ANAPC16: variants seen among roughly 807,000 people sequenced by gnomAD.
ANAPC16 encodes anaphase promoting complex subunit 16.
A neutral mutation model predicts 13.1 loss-of-function variants in ANAPC16; 6 were observed. The ratio of observed to expected loss-of-function variants is 0.46; its 90% CI spans 0.25 to 0.90. The LOEUF is 0.90. ANAPC16 is among the 40% of genes least tolerant of loss of function. The pLI is 0.18. For synonymous variants in ANAPC16, 55 were observed against 51.3 expected (o/e 1.07, Z -0.31); for missense variants, 113 against 131.1 (o/e 0.86, Z 0.67).
chr10:72,216,154 G>C lies in ANAPC16; in HGVS notation c.-28+16G>C, dbSNP rs918159388. 6.5e-6 allele frequency: 1 copy of C among 152,994 alleles called. No individual in the cohort carries two copies. Among genetic ancestry groups the C allele is most frequent in the Admixed American group, 6.5e-5 (1 of 15,326 alleles). The allele number at this position is 152,994 out of a possible 1,614,324, so 9.5% of individuals were successfully genotyped here. On this transcript the variant is annotated intron_variant, in intron 1 of 3. Transcript: ENST00000299381. The stretch of plus-strand genomic sequence containing the variant: ...AGCCGCTGAGGTAAGAGGCCGAGGG[G>C]TCGAGGGCCCTCGGGAGCTTGGTGA...
intron 1 of ANAPC16, chr10:72,216,810 C>T (rs911705527): frequency 2.6e-5 from 12 of 456,058 alleles, no homozygotes; most frequent in Non-Finnish European, 4.8e-5. Context: ...CCACTGTCAG[C>T]CCCAACTTAC....
At chr10:72,229,231 T>C (rs2133688487) in intron 2 of ANAPC16, among the ~76,000 whole-genome samples, 1 of 150,466 alleles carries the variant, frequency 6.6e-6, no homozygotes, top group African/African-American at 2.4e-5. Flanking sequence ...TTTTTCTCTT[T>C]TTTTTTTTTT....
intron 1 of ANAPC16, among the ~76,000 whole-genome samples, chr10:72,221,644 CCAGGTT>C (rs373922961): frequency 0.013 from 1,906 of 149,998 alleles, 15 homozygotes; most frequent in Non-Finnish European, 0.021. Context: ...CCTCCGCCTC[CCAGGTT>C]CAGGTTCAAG....
intron 1 of ANAPC16, among the ~76,000 whole-genome samples, chr10:72,217,331 C>T (rs1427739821): frequency 6.6e-6 from 1 of 151,842 alleles, no homozygotes; most frequent in Non-Finnish European, 1.5e-5. Flanking sequence ...AAAAATTAGC[C>T]GGGTGTGGTG....
chr10:72,230,603 T>C (rs1860267525), intron 3 of ANAPC16, among the ~76,000 whole-genome samples, 163 bp downstream of exon 3: 1 of 152,162 alleles, frequency 6.6e-6, no homozygotes, highest in Non-Finnish European at 1.5e-5. Context: ...ACATTGAGGC[T>C]TAAGGTTGGG....
At chr10:72,221,660 G>A (rs942862490) in intron 1 of ANAPC16, among the ~76,000 whole-genome samples, 3 of 144,876 alleles carry the variant, frequency 2.1e-5, no homozygotes, top group Non-Finnish European at 4.5e-5. Context: ...TCAGGTTCAA[G>A]TGATTCTCCT....
At chr10:72,230,035 G>A (rs771950280) in intron 2 of ANAPC16, among the ~76,000 whole-genome samples, 2 of 152,168 alleles carry the variant, frequency 1.3e-5, no homozygotes, top group South Asian at 2.1e-4. Flanking sequence ...AGCTGCCAGT[G>A]TTTGCTTGAC....
At chr10:72,225,851 A>G (rs1421626330) in intron 2 of ANAPC16, among the ~76,000 whole-genome samples, 3 of 151,070 alleles carry the variant, frequency 2.0e-5, no homozygotes, top group African/African-American at 4.9e-5. Flanking sequence ...CGGTGAGCAG[A>G]TATCATGCCA....
chr10:72,217,329 G>T (rs1345954932), intron 1 of ANAPC16, among the ~76,000 whole-genome samples: 1 of 152,002 alleles, frequency 6.6e-6, no homozygotes, highest in East Asian at 1.9e-4. Flanking sequence ...CAAAAAATTA[G>T]CCGGGTGTGG....
rs1333220732 is a variant in ANAPC16 at position 72,218,193 on chromosome 10, T to A, written c.-28+2055T>A. On this transcript the variant is annotated intron_variant, in intron 1 of 3. Coordinates refer to ENST00000299381, the MANE Select transcript of ANAPC16 (RefSeq NM_173473.4). ...ATATATATATATATATATATATATA[T>A]ATATATATATATATATATATATATA... 4.8e-3 allele frequency among the ~76,000 whole-genome samples: 509 copies of A among 107,056 alleles called. 76 individuals are homozygous for A. The highest frequency in any genetic ancestry group is 0.024 in the African/African-American group (483 of 20,222). The allele number at this position is 107,056 out of a possible 152,430, so 70.2% of individuals were successfully genotyped here. A position where few individuals can be genotyped will look rare whatever the true frequency, so the allele number is the denominator to read the frequency against.
At position 72,230,393 on chromosome 10, in the gene ANAPC16, C is replaced by T; in HGVS notation, c.170C>T (p.Ser57Phe). The change falls in exon 3 of 4, where the codon TCT becomes TTT. Residue 57 changes from serine (S) to phenylalanine (F), a missense_variant. Physicochemically the swap from Ser to Phe is radical, Grantham distance 155. Coordinates refer to ENST00000299381, the MANE Select transcript of ANAPC16 (RefSeq NM_173473.4). The part of the protein sequence containing the change: ...EDGSERFLCE[S>F]VFSYQVASTL... ...GGCTCTGAGAGATTCCTCTGCGAAT[C>T]TGTTTTTAGCTATCAAGTGGCATCC... 1 of 1,614,080 alleles carries T rather than the reference C, an allele frequency of 6.2e-7. No individual in the cohort carries two copies. Among genetic ancestry groups the T allele is most frequent in the Non-Finnish European group, 8.5e-7 (1 of 1,179,996 alleles).
Position 72,233,154 on chromosome 10 carries a change from C to T in ANAPC16, c.*38C>T. ...GGTCACCTCTGGTGCGCAGCAAGTGCAAAGCCAGTGGGGGACTTTCTCACA... is the reference window on the plus strand; with the variant it reads ...GGTCACCTCTGGTGCGCAGCAAGTGTAAAGCCAGTGGGGGACTTTCTCACA... On this transcript the variant is annotated 3_prime_UTR_variant, in exon 4 of 4. Coordinates refer to ENST00000299381, the MANE Select transcript of ANAPC16 (RefSeq NM_173473.4). 6.5e-7 allele frequency: 1 copy of T among 1,547,274 alleles called. No individual in the cohort carries two copies. Among genetic ancestry groups the T allele is most frequent in the Non-Finnish European group, 8.9e-7 (1 of 1,121,244 alleles).
Position 72,233,085 on chromosome 10 carries a change from AG to A in ANAPC16, c.303del (p.Gln101HisfsTer35), listed in dbSNP as rs749831431. 6.2e-7 allele frequency: 1 copy of A among 1,614,220 alleles called. No homozygotes were observed. The highest frequency in any genetic ancestry group is 1.3e-5 in the African/African-American group (1 of 75,070). Reference protein sequence around the residue: ...ADEWRFKPIEQLLGFTPSSG With the variant: ...ADEWRFKPIEXLLGFTPSSG Reference sequence around the variant, plus strand: ...GAGTGGCGGTTTAAGCCCATCGAGCAGCTGCTGGGATTCACCCCCTCTTCAG... The same window carrying A: ...GAGTGGCGGTTTAAGCCCATCGAGCACTGCTGGGATTCACCCCCTCTTCAG... On this transcript the variant is annotated frameshift_variant, in exon 4 of 4. Coordinates refer to ENST00000299381, the MANE Select transcript of ANAPC16 (RefSeq NM_173473.4). LOFTEE classifies it high-confidence loss of function.
intron 2 of ANAPC16, among the ~76,000 whole-genome samples, chr10:72,228,950 A>G (rs1860208369): frequency 6.6e-6 from 1 of 152,196 alleles, no homozygotes; most frequent in African/African-American, 2.4e-5. Flanking sequence ...CCTGATCCTT[A>G]TAGCCTATAA....
intron 1 of ANAPC16, chr10:72,217,053 T>A (rs1427588494): frequency 2.2e-6 from 1 of 454,058 alleles, no homozygotes; most frequent in Non-Finnish European, 4.4e-6. Context: ...TTGTTCATCA[T>A]TCATTCATCC....
chr10:72,218,161 AAAAAATATATATATATAT>A (rs1459508369), intron 1 of ANAPC16, among the ~76,000 whole-genome samples: 396 of 39,520 alleles, frequency 0.01, no homozygotes, highest in Middle Eastern at 0.025. Context: ...AAAAAAAAAA[AAAAAATATATATATATAT>A]ATATATATAT....
At chr10:72,216,836 C>T (rs1859442389) in intron 1 of ANAPC16, 1 of 456,130 alleles carries the variant, frequency 2.2e-6, no homozygotes, top group South Asian at 1.5e-5. Flanking sequence ...AGGGCCAAGT[C>T]CCAGGATACT....
At chr10:72,229,139 G>T (rs1489428302) in intron 2 of ANAPC16, among the ~76,000 whole-genome samples, 1 of 151,196 alleles carries the variant, frequency 6.6e-6, no homozygotes, top group African/African-American at 2.4e-5. Context: ...TTTTGAGACT[G>T]AGTTTGAATT....
intron 1 of ANAPC16, among the ~76,000 whole-genome samples, chr10:72,221,832 C>T (rs962121970): frequency 2.3e-4 from 35 of 149,572 alleles, no homozygotes; most frequent in African/African-American, 7.4e-4. Flanking sequence ...CAGGTTCAAG[C>T]GATTCTCCTG....
Sources: gnomAD v4.1 joint callset for allele counts (sites outside exome capture counted in the v4.1 genomes callset) on GRCh38, gnomAD v4.1.1 for gene constraint, MANE v1.5 for transcripts, NCBI Gene and HGNC (gene_info 2026-07-23, HGNC 2026-07-21) for gene names.